The following SMIM17 variants were observed in gnomAD, a reference collection of about 807,000 sequenced individuals.
SMIM17 encodes small integral membrane protein 17.
SMIM17 carries 10 observed loss-of-function variants against 12.2 expected under a neutral mutation model. The observed-to-expected ratio is 0.82, with a 90% CI of 0.50 to 1.39. SMIM17 has a LOEUF of 1.39. Among genes scored for constraint, SMIM17 ranks in the 40% most tolerant of loss-of-function variants. SMIM17 has a pLI of 0.00. For synonymous variants in SMIM17, 50 were observed against 44.1 expected (o/e 1.13, Z -0.53); for missense variants, 136 against 118.2 (o/e 1.15, Z -0.70).
chr19:56,649,470 G>A (rs935360537), intron 3 of SMIM17, among the ~76,000 whole-genome samples: 1 of 152,190 alleles, frequency 6.6e-6, no homozygotes, highest in African/African-American at 2.4e-5. Flanking sequence ...ATTGGGTTGA[G>A]TGGTGATAAC....
chr19:56,649,252 G>A (rs1337385379), intron 3 of SMIM17, among the ~76,000 whole-genome samples: 1 of 152,188 alleles, frequency 6.6e-6, no homozygotes, highest in African/African-American at 2.4e-5. Flanking sequence ...TGAAGTTAAG[G>A]GCAGAGCAGT....
chr19:56,647,774 G>T (rs942033619), intron 3 of SMIM17, 140 bp downstream of exon 3: 2 of 709,196 alleles, frequency 2.8e-6, no homozygotes, highest in Non-Finnish European at 4.7e-6. Flanking sequence ...TCTCTATGGT[G>T]ATCAGACACA....
intron 2 of SMIM17, among the ~76,000 whole-genome samples, chr19:56,647,310 C>T (rs2045070633): frequency 6.6e-6 from 1 of 151,826 alleles, no homozygotes; most frequent in African/African-American, 2.4e-5. Context: ...GAATTCAGGT[C>T]TTTCATTCTC....
At chr19:56,652,073 C>T (rs547026755) in intron 3 of SMIM17, among the ~76,000 whole-genome samples, 8 of 133,038 alleles carry the variant, frequency 6.0e-5, no homozygotes, top group African/African-American at 2.3e-4. Context: ...CACTGCACTC[C>T]AGCCTGGGAG....
chr19:56,644,282 C>T (rs535975855), intron 1 of SMIM17, among the ~76,000 whole-genome samples: 2 of 152,272 alleles, frequency 1.3e-5, no homozygotes, highest in Middle Eastern at 3.4e-3. Context: ...CTCTTTCCCA[C>T]GAAGGTCCCA....
chr19:56,644,056 C>G (rs2045043917), intron 1 of SMIM17, among the ~76,000 whole-genome samples: 1 of 152,034 alleles, frequency 6.6e-6, no homozygotes, highest in African/African-American at 2.4e-5. Context: ...CCTTCTTCCT[C>G]CTCCATTCAC....
intron 2 of SMIM17, 108 bp from the exon 3 acceptor site, chr19:56,647,450 A>G: frequency 1.5e-6 from 1 of 652,902 alleles, no homozygotes; most frequent in Non-Finnish European, 2.6e-6. Flanking sequence ...AGAGAGAGAG[A>G]GGAGGCTATT....
At position 56,655,972 on chromosome 19, in the gene SMIM17, G is replaced by C. The variant is rs1324303997; in HGVS notation, c.*759G>C. 2.4e-5 allele frequency among the ~76,000 whole-genome samples: 3 copies of C among 125,122 alleles called. No individual in the cohort carries two copies. Among genetic ancestry groups the C allele is most frequent in the Non-Finnish European group, 3.3e-5 (2 of 60,612 alleles). The allele number at this position is 125,122 out of a possible 152,430, so 82.1% of individuals were successfully genotyped here. On this transcript the variant is annotated 3_prime_UTR_variant, in exon 4 of 4. Transcript: ENST00000598409. ...GGTTTTTGTTTTTTTTTTTTTTTGA[G>C]ACCGAGTCTCACTCTGTCACCCAGT...
At chr19:56,646,907 T>C (rs1166820770) in intron 2 of SMIM17, among the ~76,000 whole-genome samples, 4 of 152,280 alleles carry the variant, frequency 2.6e-5, no homozygotes, top group African/African-American at 9.6e-5. Flanking sequence ...GCACTGTCTT[T>C]TTCCTCAGGG....
intron 3 of SMIM17, among the ~76,000 whole-genome samples, chr19:56,652,474 G>A (rs944861179): frequency 6.6e-6 from 1 of 151,776 alleles, no homozygotes; most frequent in African/African-American, 2.4e-5. Flanking sequence ...CCAAGACGGT[G>A]AAACCCCGTC....
intron 3 of SMIM17, among the ~76,000 whole-genome samples, chr19:56,648,060 TCCATCC>T (rs2045078677): frequency 1.6e-5 from 1 of 64,138 alleles, no homozygotes; most frequent in Non-Finnish European, 3.4e-5. Context: ...ATTCCATCCA[TCCATCC>T]ATCCATCCAT....
At position 56,655,628 on chromosome 19, in the gene SMIM17, T is replaced by C. The variant is rs1417403161; in HGVS notation, c.*415T>C. 5.6e-5 allele frequency: 10 copies of C among 179,632 alleles called. No homozygotes were observed. The highest frequency in any genetic ancestry group is 1.0e-4 in the Non-Finnish European group (9 of 86,510). 11.1% of individuals were successfully genotyped at this position (179,632 alleles called of 1,614,324 possible). On this transcript the variant is annotated 3_prime_UTR_variant, in exon 4 of 4. Coordinates refer to ENST00000598409, the MANE Select transcript of SMIM17 (RefSeq NM_001193628.2). ...CTTTTCATACACTAGATTATATTTA[T>C]TGATATTTTATGTAGGATTCTTGCC...
At chr19:56,654,996 T>G in intron 3 of SMIM17, 107 bp from the exon 4 acceptor site, 1 of 508,086 alleles carries the variant, frequency 2.0e-6, no homozygotes, top group Non-Finnish European at 3.5e-6. Context: ...ACAGCTTTTC[T>G]CTTGATATGA....
intron 3 of SMIM17, among the ~76,000 whole-genome samples, chr19:56,653,846 A>G (rs575909400): frequency 6.6e-6 from 1 of 152,342 alleles, no homozygotes; most frequent in East Asian, 1.9e-4. Flanking sequence ...TTTATAATAT[A>G]CTTTAATAAT....
In SMIM17 at chr19:56,645,805, TG is replaced by T. The variant is rs2045058722; in HGVS notation, c.142del (p.Ala48ProfsTer49). On this transcript the variant is annotated frameshift_variant, in exon 2 of 4. Coordinates refer to ENST00000598409, the MANE Select transcript of SMIM17 (RefSeq NM_001193628.2). LOFTEE classifies it high-confidence loss of function. ...CCAAAGACTGGGAGGCTGTGGAGGT[TG>T]GGGCCTCCAGCCATGACAGTGATGA... ...CTKDWEAVEV[G>X]ASSHDSDEKD... 1 of 1,535,554 alleles carries T rather than the reference TG, an allele frequency of 6.5e-7. No individual in the cohort carries two copies.
At chr19:56,648,379 A>T (rs1038938214) in intron 3 of SMIM17, among the ~76,000 whole-genome samples, 1 of 117,850 alleles carries the variant, frequency 8.5e-6, no homozygotes, top group Non-Finnish European at 1.7e-5. Flanking sequence ...TACCCATTCC[A>T]TCCATCCATC....
intron 2 of SMIM17, among the ~76,000 whole-genome samples, chr19:56,646,233 T>C (rs2045062241): frequency 6.6e-6 from 1 of 152,142 alleles, no homozygotes; most frequent in Non-Finnish European, 1.5e-5. Context: ...TTCAGGGTTA[T>C]CCTCATGGGG....
At chr19:56,644,480 A>G (rs577546107) in intron 1 of SMIM17, among the ~76,000 whole-genome samples, 1 of 152,352 alleles carries the variant, frequency 6.6e-6, no homozygotes, top group South Asian at 2.1e-4. Context: ...CATGAAATGT[A>G]GAAAATGCCA....
At chr19:56,645,366 T>C (rs113228459) in intron 1 of SMIM17, among the ~76,000 whole-genome samples, 4,048 of 152,278 alleles carry the variant, frequency 0.027, 174 homozygotes, top group African/African-American at 0.092. Context: ...TTTCCAGCTT[T>C]GTCTCCAGAG....
Sources: allele counts gnomAD v4.1 joint callset (sites outside exome capture counted in the v4.1 genomes callset), GRCh38; gene constraint gnomAD v4.1.1; transcripts MANE v1.5; gene names NCBI Gene and HGNC (gene_info 2026-07-23, HGNC 2026-07-21).